ABTB2: variants seen among roughly 807,000 people sequenced by gnomAD.
ABTB2 encodes the protein ankyrin repeat and BTB/POZ domain-containing protein 2.
In ABTB2, 56 loss-of-function variants were observed where a neutral mutation model predicts 104.1. The observed-to-expected ratio is 0.54, with a 90% CI of 0.43 to 0.67. ABTB2 has a LOEUF of 0.67. Among genes scored for constraint, ABTB2 ranks in the 30% least tolerant of loss-of-function variants. The pLI is 0.00. For missense variants in ABTB2, 1,279 were observed against 1,407.7 expected (o/e 0.91, Z 1.46); for synonymous variants, 606 against 608.2 (o/e 1.00, Z 0.05).
At chr11:34,181,245 CAAACA>C (rs1853022042) in intron 3 of ABTB2, among the ~76,000 whole-genome samples, 1 of 127,394 alleles carries the variant, frequency 7.8e-6, no homozygotes, top group Admixed American at 7.3e-5. Context: ...GGAAAACAAA[CAAACA>C]AACAAACAAA....
At chr11:34,166,344 G>A (rs1445479123) in intron 7 of ABTB2, among the ~76,000 whole-genome samples, 1 of 152,252 alleles carries the variant, frequency 6.6e-6, no homozygotes, top group Non-Finnish European at 1.5e-5. Context: ...TGCCAAGGCC[G>A]TGGAGGCGGG....
intron 1 of ABTB2, among the ~76,000 whole-genome samples, chr11:34,326,445 A>G (rs1033692490): frequency 6.6e-6 from 1 of 152,122 alleles, no homozygotes; most frequent in Non-Finnish European, 1.5e-5. Context: ...CAACGTGGTG[A>G]GACCCCCATC....
At chr11:34,190,157 T>C (rs1268162696) in intron 3 of ABTB2, among the ~76,000 whole-genome samples, 2 of 152,096 alleles carry the variant, frequency 1.3e-5, no homozygotes, top group East Asian at 3.9e-4. Context: ...GGAGAATCAC[T>C]TGCATCTGGA....
At position 34,252,821 on chromosome 11, in the gene ABTB2, C is replaced by G. The variant is rs894892671; in HGVS notation, c.884-48131G>C. Among the ~76,000 whole-genome samples, 2 of 152,074 alleles carry G rather than the reference C, an allele frequency of 1.3e-5. No individual in the cohort carries two copies. Among genetic ancestry groups the G allele is most frequent in the African/African-American group, 4.8e-5 (2 of 41,402 alleles). On this transcript the variant is annotated intron_variant, in intron 1 of 16. Transcript: ENST00000435224. The surrounding 1 kb of genome is among the most constrained non-coding windows in gnomAD (Gnocchi z 5.5). Reference sequence around the variant, plus strand: ...GGACTCCCAGCTGGGCCAGAGGAGGCTGGGGGACCTCCTGGGAGCTTGGAC... The same window carrying G: ...GGACTCCCAGCTGGGCCAGAGGAGGGTGGGGGACCTCCTGGGAGCTTGGAC...
intron 1 of ABTB2, among the ~76,000 whole-genome samples, chr11:34,224,529 C>T (rs1853663108): frequency 6.6e-6 from 1 of 152,100 alleles, no homozygotes; most frequent in African/African-American, 2.4e-5. Flanking sequence ...GACTGGCTGC[C>T]ATGGTCTTCA....
chr11:34,312,172 A>C (rs1854864378), intron 1 of ABTB2, among the ~76,000 whole-genome samples: 1 of 152,070 alleles, frequency 6.6e-6, no homozygotes, highest in South Asian at 2.1e-4. Context: ...GAAAAAGAAA[A>C]AGAGAAAGCC....
At chr11:34,250,530 T>A (rs1347081039) in intron 1 of ABTB2, among the ~76,000 whole-genome samples, 2 of 152,202 alleles carry the variant, frequency 1.3e-5, no homozygotes, top group African/African-American at 4.8e-5. Flanking sequence ...TGTGGCCAAC[T>A]GCAACAATTT....
chr11:34,163,090 G>C (rs1050439102), intron 9 of ABTB2, among the ~76,000 whole-genome samples: 1 of 152,194 alleles, frequency 6.6e-6, no homozygotes, highest in African/African-American at 2.4e-5. Context: ...CATCCTGGCT[G>C]TGTGACCTTA....
intron 1 of ABTB2, among the ~76,000 whole-genome samples, chr11:34,227,400 T>C (rs1210582271): frequency 6.6e-6 from 1 of 152,232 alleles, no homozygotes; most frequent in East Asian, 1.9e-4. Context: ...GAATTTGCCT[T>C]TCCTGGACAT....
chr11:34,168,046 T>C, intron 5 of ABTB2, 54 bp from the exon 6 acceptor site: 2 of 1,556,062 alleles, frequency 1.3e-6, no homozygotes, highest in Non-Finnish European at 1.8e-6. Context: ...CACAACACCA[T>C]GTGCCCACAG....
chr11:34,152,584 T>C lies in ABTB2; in HGVS notation c.2881A>G (p.Ile961Val). The C allele has an allele frequency of 1.3e-6, 2 of 1,584,874 alleles. No individual in the cohort carries two copies. Among genetic ancestry groups the C allele is most frequent in the Non-Finnish European group, 1.7e-6 (2 of 1,155,346 alleles). ...AGGGCCAGTTCTGGGGCATTGTGGATCTGTAGGGCAGAGAGAGGAGGGGTG... is the reference window on the plus strand; with the variant it reads ...AGGGCCAGTTCTGGGGCATTGTGGACCTGTAGGGCAGAGAGAGGAGGGGTG... ...SAVNTYKYAK[I>V]HNAPELALFC... Residue 961 changes from isoleucine to valine, a missense_variant and splice_region_variant, in exon 17 of 17, where the codon ATC (isoleucine) becomes GTC (valine). Transcript: ENST00000435224.
At chr11:34,349,182 T>A (rs1256455488) in intron 1 of ABTB2, among the ~76,000 whole-genome samples, 1 of 152,206 alleles carries the variant, frequency 6.6e-6, no homozygotes, top group Non-Finnish European at 1.5e-5. Flanking sequence ...TGCTATGATC[T>A]GTGGCTGAGG....
chr11:34,256,803 C>T (rs560064647), intron 1 of ABTB2, among the ~76,000 whole-genome samples: 15 of 152,282 alleles, frequency 9.9e-5, no homozygotes, highest in African/African-American at 2.9e-4. Context: ...AGGGGACGGA[C>T]GGAGAGCCAC....
intron 1 of ABTB2, among the ~76,000 whole-genome samples, chr11:34,226,226 A>G (rs993061365): frequency 6.6e-6 from 1 of 150,734 alleles, no homozygotes; most frequent in Admixed American, 6.6e-5. Flanking sequence ...AAAAAAAAAA[A>G]AGAAGCCACT....
intron 1 of ABTB2, among the ~76,000 whole-genome samples, chr11:34,298,209 G>A (rs1854650199): frequency 6.6e-6 from 1 of 151,732 alleles, no homozygotes; most frequent in Non-Finnish European, 1.5e-5. Flanking sequence ...AGTATGAAAT[G>A]GAACCAGACC....
At position 34,154,230 on chromosome 11, in the gene ABTB2, G is replaced by A; in HGVS notation, c.2880+35C>T. 1 of 1,529,896 alleles carries A rather than the reference G, an allele frequency of 6.5e-7. No individual in the cohort carries two copies. The highest frequency in any genetic ancestry group is 1.1e-5 in the South Asian group (1 of 88,760). 94.8% of individuals were successfully genotyped at this position (1,529,896 alleles called of 1,614,324 possible). On this transcript the variant is annotated intron_variant, in intron 16 of 16. Transcript: ENST00000435224. This position sits in a 1 kb window ranked among gnomAD's most constrained non-coding sequence, Gnocchi z 4.9. Reference sequence around the variant, plus strand: ...AGGCCCCCGTGGAGCAGAGCATGTGGTGGGAGGTGGCCAGCAGGCATCCTT... The same window carrying A: ...AGGCCCCCGTGGAGCAGAGCATGTGATGGGAGGTGGCCAGCAGGCATCCTT...
At chr11:34,177,658 T>C (rs2467378) in intron 3 of ABTB2, among the ~76,000 whole-genome samples, 2,342 of 152,160 alleles carry the variant, frequency 0.015, 41 homozygotes, top group Admixed American at 0.06. Context: ...GCAAAGTCTT[T>C]TTTTCTTTTT....
Position 34,218,746 on chromosome 11 carries a change from G to C in ABTB2, c.884-14056C>G, listed in dbSNP as rs145321302. 1.7e-3 allele frequency among the ~76,000 whole-genome samples: 254 copies of C among 149,406 alleles called. 3 individuals carry two copies. In the East Asian group the frequency reaches 0.042, roughly 25 times the overall value. ...CGCCTGTAATCCCAGCTACTCGAGA[G>C]GAGGCAAGAGAATCACTTGAACCCA... On this transcript the variant is annotated intron_variant, in intron 1 of 16. Coordinates refer to ENST00000435224, the MANE Select transcript of ABTB2 (RefSeq NM_145804.3).
chr11:34,341,877 CA>C (rs1159044804), intron 1 of ABTB2, among the ~76,000 whole-genome samples: 1 of 152,118 alleles, frequency 6.6e-6, no homozygotes, highest in Non-Finnish European at 1.5e-5. Flanking sequence ...TGGCCATTTC[CA>C]AAACAAATGA....
Sources: gnomAD v4.1 joint callset for allele counts (sites outside exome capture counted in the v4.1 genomes callset) on GRCh38, gnomAD v4.1.1 for gene constraint, Gnocchi (gnomAD v3.1) non-coding constraint, MANE v1.5 for transcripts, NCBI Gene and HGNC (gene_info 2026-07-23, HGNC 2026-07-21) for gene names.